FKBP9: variants seen among roughly 807,000 people sequenced by gnomAD.
FKBP9 encodes FKBP prolyl isomerase 9.
Under a neutral mutation model 55.6 loss-of-function variants are expected in FKBP9, and 27 were observed. That is an observed-to-expected ratio of 0.49 (90% CI 0.36 to 0.67). The LOEUF (loss-of-function observed/expected upper bound fraction) is 0.67. Ranked by LOEUF, FKBP9 falls within the 30% of genes least tolerant of loss-of-function variation. The pLI, the probability that FKBP9 is intolerant of heterozygous loss-of-function variation, is 0.00. For synonymous variants in FKBP9, 267 were observed against 296.5 expected, an observed-to-expected ratio of 0.90 and a Z score of 1.02; for missense variants, 539 against 742.8, an observed-to-expected ratio of 0.73 and a Z score of 3.19.
At chr7:32,969,649 A>T (rs1255532300) in intron 1 of FKBP9, among the ~76,000 whole-genome samples, 2 of 152,156 alleles carry the variant, frequency 1.3e-5, no homozygotes, top group African/African-American at 4.8e-5. Flanking sequence ...AAAATCAGGA[A>T]GTGTGAAGCC....
Position 32,980,384 on chromosome 7 carries a change from G to A in FKBP9, c.724G>A (p.Ala242Thr), listed in dbSNP as rs1401583136. The part of the protein sequence containing the change: ...DGDGKDIPGQ[A>T]SLVFDVALLD... ...TCTAGGGAAAGACATTCCCGGTCAG[G>A]CATCTCTGGTGTTTGATGTTGCATT... The change falls in exon 5 of 10, where the codon GCA becomes ACA. Residue 242 changes from alanine to threonine, a missense_variant. This residue lies in a region of FKBP9 where 29 missense variants were observed against 65.3 expected (regional missense o/e 0.44). Transcript: ENST00000242209. 18 of 1,611,866 alleles carry A rather than the reference G, an allele frequency of 1.1e-5. No homozygotes were observed. The Admixed American group carries it at 2.3e-4, about 21-fold the overall frequency.
At chr7:32,961,228 C>A (rs1784016719) in intron 1 of FKBP9, among the ~76,000 whole-genome samples, 1 of 152,138 alleles carries the variant, frequency 6.6e-6, no homozygotes, top group African/African-American at 2.4e-5. Flanking sequence ...CTGGGAGGAG[C>A]TCAGGGGTGT....
chr7:32,957,656 C>G lies in FKBP9; in HGVS notation c.83C>G (p.Ala28Gly). 1 of 1,504,174 alleles carries G rather than the reference C, an allele frequency of 6.6e-7. No homozygotes were observed. The highest frequency in any genetic ancestry group is 8.8e-7 in the Non-Finnish European group (1 of 1,135,052). 93.2% of individuals were successfully genotyped at this position (1,504,174 alleles called of 1,614,324 possible). The change falls in exon 1 of 10, where the codon GCG becomes GGG. Residue 28 changes from alanine to glycine, a missense_variant. Ala to Gly is a moderately conservative substitution (Grantham distance 60, BLOSUM62 0). Around this residue, in one of 4 missense-constraint regions of FKBP9, gnomAD observed 236 missense variants for 271.5 expected, o/e 0.87. Transcript: ENST00000242209. Reference protein sequence around the residue: ...LWVTGQAAPVAGLGSDAELQI... With the variant: ...LWVTGQAAPVGGLGSDAELQI... Reference sequence around the variant, plus strand: ...GTGACCGGGCAGGCAGCGCCCGTGGCGGGCCTGGGCTCCGACGCGGAGCTG... The same window carrying G: ...GTGACCGGGCAGGCAGCGCCCGTGGGGGGCCTGGGCTCCGACGCGGAGCTG...
intron 1 of FKBP9, among the ~76,000 whole-genome samples, chr7:32,959,450 T>C (rs1783975927): frequency 6.6e-6 from 1 of 152,228 alleles, no homozygotes; most frequent in East Asian, 1.9e-4. Flanking sequence ...AAAAAACAGC[T>C]TTATTGAGAT....
chr7:32,993,554 G>C (rs1354577801), intron 6 of FKBP9, among the ~76,000 whole-genome samples: 2 of 152,210 alleles, frequency 1.3e-5, no homozygotes, highest in Non-Finnish European at 1.5e-5. Context: ...GCTGGGCGCG[G>C]TGGCTCACGC....
intron 5 of FKBP9, among the ~76,000 whole-genome samples, chr7:32,985,171 T>G (rs376065310): frequency 1.7e-5 from 2 of 118,640 alleles, no homozygotes; most frequent in African/African-American, 6.8e-5. Context: ...TTTTTCTTTC[T>G]TTCTTTCTTT....
intron 6 of FKBP9, among the ~76,000 whole-genome samples, chr7:32,994,795 A>G (rs1784752212): frequency 6.6e-6 from 1 of 152,084 alleles, no homozygotes; most frequent in Non-Finnish European, 1.5e-5. Flanking sequence ...TATGAGCGTG[A>G]GTGTGTTTCT....
intron 1 of FKBP9, among the ~76,000 whole-genome samples, chr7:32,974,038 C>T (rs1381196563): frequency 6.6e-6 from 1 of 151,662 alleles, no homozygotes; most frequent in Admixed American, 6.6e-5. Flanking sequence ...TTTTGAGACT[C>T]TGTCGCCCAG....
intron 9 of FKBP9, among the ~76,000 whole-genome samples, chr7:33,004,069 G>C (rs1020389959): frequency 2.0e-5 from 3 of 152,064 alleles, no homozygotes; most frequent in Admixed American, 1.3e-4. Context: ...GAGAGCACTC[G>C]GTGATCTCTG....
chr7:32,979,699 C>G (rs971807379), intron 4 of FKBP9: 207 of 782,114 alleles, frequency 2.6e-4, no homozygotes, highest in South Asian at 1.0e-3. Flanking sequence ...CCTGTAATCT[C>G]TTCATGTGGA....
At position 32,976,347 on chromosome 7, in the gene FKBP9, C is replaced by T. The variant is rs771132804; in HGVS notation, c.558-7C>T. ...TGGAACTTTTTCCCTTTCTCATTAC[C>T]TTTCAGTCACAATCGCATGAAAACA... On this transcript the variant is annotated splice_region_variant and splice_polypyrimidine_tract_variant and intron_variant, in intron 3 of 9. Transcript: ENST00000242209. The T allele has an allele frequency of 3.0e-5, 48 of 1,613,736 alleles. No individual in the cohort carries two copies. The highest frequency in any genetic ancestry group is 6.7e-5 in the Admixed American group (4 of 59,984).
rs757936236 is a variant in FKBP9, at chr7:32,957,716, C to G, written c.143C>G (p.Pro48Arg). 6.5e-7 allele frequency: 1 copy of G among 1,531,666 alleles called. No individual in the cohort carries two copies. The allele number at this position is 1,531,666 out of a possible 1,614,324, so 94.9% of individuals were successfully genotyped here. ...CGGCGCTTCGTGCCCGACGAGTGCC[C>G]GCGCACCGTGCGCAGCGGCGACTTC... is the stretch of plus-strand genomic sequence containing the variant. The part of the protein sequence containing the change: ...IERRFVPDEC[P>R]RTVRSGDFVR... The change falls in exon 1 of 10, where the codon CCG (proline) becomes CGG (arginine). Residue 48 changes from proline to arginine, a missense_variant. Pro to Arg is a moderately radical substitution (Grantham distance 103, BLOSUM62 -2). This residue lies in a region of FKBP9 where 236 missense variants were observed against 271.5 expected (regional missense o/e 0.87). Transcript: ENST00000242209.
intron 5 of FKBP9, among the ~76,000 whole-genome samples, chr7:32,982,839 T>A (rs1784505565): frequency 6.6e-6 from 1 of 152,288 alleles, no homozygotes; most frequent in Non-Finnish European, 1.5e-5. Flanking sequence ...TATATTTAGG[T>A]AATCAATCCT....
chr7:32,977,009 T>A (rs1335669274), intron 4 of FKBP9, among the ~76,000 whole-genome samples: 3 of 152,250 alleles, frequency 2.0e-5, no homozygotes, highest in Admixed American at 1.3e-4. Context: ...CCATACAATG[T>A]CAGAATTGCC....
intron 1 of FKBP9, among the ~76,000 whole-genome samples, chr7:32,973,692 T>G (rs1424242313): frequency 5.4e-5 from 6 of 111,946 alleles, no homozygotes; most frequent in East Asian, 5.1e-4. Flanking sequence ...GTTTTTTTTT[T>G]TTTTTTTTTT....
intron 1 of FKBP9, among the ~76,000 whole-genome samples, chr7:32,972,012 T>TA (rs141901027): frequency 0.73 from 110,728 of 152,090 alleles, 40,590 homozygotes; most frequent in South Asian, 0.8. Context: ...ATGAAAAAAA[T>TA]ATTTTTAAAG....
intron 9 of FKBP9, among the ~76,000 whole-genome samples, chr7:33,003,079 T>C (rs16881927): frequency 0.18 from 27,802 of 152,194 alleles, 2,786 homozygotes; most frequent in East Asian, 0.29. Context: ...TTCCAGGGCA[T>C]ACAGTCTGCA....
In FKBP9 at chr7:33,006,091, C is replaced by CT. The variant is rs575917909; in HGVS notation, c.*761dup. 0.34 allele frequency: 45,970 copies of CT among 133,386 alleles called. 8,921 individuals carry two copies. Among genetic ancestry groups the CT allele is most frequent in the African/African-American group, 0.48 (13,393 of 28,132 alleles). 8.3% of individuals were successfully genotyped at this position (133,386 alleles called of 1,614,324 possible). A position where few individuals can be genotyped will look rare whatever the true frequency, so the allele number is the denominator to read the frequency against. On this transcript the variant is annotated 3_prime_UTR_variant, in exon 10 of 10. Transcript: ENST00000242209. ...AGTCATCTGCTTAGCTTTTCCTTTC[C>CT]TTTTTTTTTTTTTTTTTTTTTCTGG...
chr7:32,962,981 C>T (rs1784054339), intron 1 of FKBP9, among the ~76,000 whole-genome samples: 1 of 152,038 alleles, frequency 6.6e-6, no homozygotes, highest in Non-Finnish European at 1.5e-5. Context: ...GCTCTCATGC[C>T]TCACACAAAG....
Sources: gnomAD v4.1 joint callset for allele counts (sites outside exome capture counted in the v4.1 genomes callset) on GRCh38, gnomAD v4.1.1 for gene constraint, gnomAD v4.1.1 regional missense constraint, MANE v1.5 for transcripts, NCBI Gene and HGNC (gene_info 2026-07-23, HGNC 2026-07-21) for gene names.